WLS: variants seen among roughly 807,000 people sequenced by gnomAD.
WLS encodes Wnt ligand secretion mediator.
A neutral mutation model predicts 62.8 loss-of-function variants in WLS; 23 were observed. The ratio of observed to expected loss-of-function variants is 0.37; its 90% CI spans 0.26 to 0.52. The LOEUF is 0.52. Among genes scored for constraint, WLS ranks in the 20% least tolerant of loss-of-function variants. The pLI is 0.92. For synonymous variants in WLS, 246 were observed against 244.1 expected (o/e 1.01, Z -0.07); for missense variants, 615 against 697.3 (o/e 0.88, Z 1.33).
intron 11 of WLS, among the ~76,000 whole-genome samples, chr1:68,110,954 G>A (rs180759661): frequency 1.2e-3 from 183 of 152,076 alleles, no homozygotes; most frequent in Admixed American, 2.8e-3. Flanking sequence ...AAGAAATTTA[G>A]AATATTTTTA....
At chr1:68,195,570 T>A (rs1429767236) in intron 1 of WLS, among the ~76,000 whole-genome samples, 1 of 152,206 alleles carries the variant, frequency 6.6e-6, no homozygotes, top group African/African-American at 2.4e-5. Context: ...CTTCATCAGT[T>A]TGTAAAGGCT....
chr1:68,113,737 TC>T (rs1297617591), intron 11 of WLS, among the ~76,000 whole-genome samples: 1 of 152,134 alleles, frequency 6.6e-6, no homozygotes, highest in Non-Finnish European at 1.5e-5. Flanking sequence ...CCCAAGCCCT[TC>T]TGAGTAAGAA....
chr1:68,169,280 C>T (rs1647110505), intron 2 of WLS, among the ~76,000 whole-genome samples: 6 of 152,218 alleles, frequency 3.9e-5, no homozygotes, highest in Admixed American at 2.6e-4. Flanking sequence ...TAGAAAACAT[C>T]CACTTACCCC....
At chr1:68,140,725 C>T (rs978903711) in intron 10 of WLS, among the ~76,000 whole-genome samples, 1 of 152,176 alleles carries the variant, frequency 6.6e-6, no homozygotes, top group African/African-American at 2.4e-5. Flanking sequence ...AAGAGTTGAA[C>T]TGCAGAAATA....
At chr1:68,201,929 G>A (rs1019676702) in intron 1 of WLS, 2 of 152,146 alleles carry the variant, frequency 1.3e-5, no homozygotes, top group African/African-American at 2.4e-5. Flanking sequence ...AATACATTCC[G>A]ACTCAAAAAT....
At chr1:68,163,912 A>T (rs910890315) in intron 2 of WLS, among the ~76,000 whole-genome samples, 2 of 152,208 alleles carry the variant, frequency 1.3e-5, no homozygotes, top group Non-Finnish European at 2.9e-5. Flanking sequence ...AGGGAAACAG[A>T]TAGGAATAAC....
At chr1:68,217,783 C>T (rs1649789158) in intron 1 of WLS, among the ~76,000 whole-genome samples, 1 of 152,154 alleles carries the variant, frequency 6.6e-6, no homozygotes, top group Non-Finnish European at 1.5e-5. Context: ...TTATCTTTGA[C>T]AAGGTGGTCA....
chr1:68,229,673 A>G (rs1397488334), intron 1 of WLS, among the ~76,000 whole-genome samples: 4 of 151,862 alleles, frequency 2.6e-5, no homozygotes, highest in Non-Finnish European at 4.4e-5. Flanking sequence ...GTTGATATTT[A>G]TTTCCCATAT....
At chr1:68,181,594 C>T (rs1013684947) in intron 2 of WLS, among the ~76,000 whole-genome samples, 6 of 152,024 alleles carry the variant, frequency 3.9e-5, no homozygotes, top group South Asian at 2.1e-4. Context: ...TCTTAGAGTC[C>T]GCTGTTTGGT....
chr1:68,200,537 G>C (rs1648952660), intron 1 of WLS, among the ~76,000 whole-genome samples: 1 of 148,958 alleles, frequency 6.7e-6, no homozygotes, highest in African/African-American at 2.5e-5. Flanking sequence ...ATCTTCAAAA[G>C]TTTGGGGAGC....
At chr1:68,216,785 G>A (rs569430579) in intron 1 of WLS, among the ~76,000 whole-genome samples, 12 of 152,286 alleles carry the variant, frequency 7.9e-5, no homozygotes, top group East Asian at 5.8e-4. Context: ...AATTCAAGCC[G>A]CAACAATGAC....
intron 11 of WLS, chr1:68,100,642 CAA>C (rs1172953381): frequency 3.3e-5 from 5 of 152,124 alleles, no homozygotes; most frequent in African/African-American, 4.8e-5. Context: ...AGACTGCACA[CAA>C]AGTTACTTGA....
rs774783017 is a variant in WLS at position 68,153,540 on chromosome 1, G to A, written c.780C>T (p.Ser260=). The part of the protein sequence containing the change: ...VWYWRRITMM[S]RPPVLLEKVI... ...ACTTTTCCAGAAGCACTGGGGGTCG[G>A]GACATCATGGTGATCCTCCTCCAAT... is the stretch of plus-strand genomic sequence containing the variant. The change falls in exon 5 of 12, where the codon TCC becomes TCT. Residue 260 remains serine (S), a synonymous_variant. Coordinates refer to ENST00000262348, the MANE Select transcript of WLS (RefSeq NM_024911.7). 2 of 1,614,086 alleles carry A rather than the reference G, an allele frequency of 1.2e-6. No individual in the cohort carries two copies. The highest frequency in any genetic ancestry group is 1.7e-6 in the Non-Finnish European group (2 of 1,180,024).
chr1:68,218,597 A>G (rs1571030349), intron 1 of WLS, among the ~76,000 whole-genome samples: 1 of 152,206 alleles, frequency 6.6e-6, no homozygotes, highest in South Asian at 2.1e-4. Context: ...AGGCCTTGTC[A>G]TACTTGCTTC....
chr1:68,115,624 A>G (rs1019972854), intron 11 of WLS, among the ~76,000 whole-genome samples: 5 of 152,172 alleles, frequency 3.3e-5, no homozygotes, highest in African/African-American at 9.7e-5. Context: ...GTGCCAGCAC[A>G]TTATCAGTGC....
chr1:68,192,429 T>C (rs1648362434), intron 2 of WLS, among the ~76,000 whole-genome samples: 1 of 151,634 alleles, frequency 6.6e-6, no homozygotes, highest in South Asian at 2.1e-4. Flanking sequence ...CATAAAATTT[T>C]AAAATTTAAG....
At position 68,144,651 on chromosome 1, in the gene WLS, C is replaced by G; in HGVS notation, c.1280G>C (p.Gly427Ala). ...MSKVRRLHYEGLIFRFKFLML... is the reference protein window; with the variant it reads ...MSKVRRLHYEALIFRFKFLML... The stretch of plus-strand genomic sequence containing the variant: ...GAGGAACTTGAACCTAAAAATTAGC[C>G]CCTATTAGAAAAGAAAGAGTAGTTT... The change falls in exon 10 of 12, where the codon GGG becomes GCG. Residue 427 changes from glycine (G) to alanine (A), a missense_variant and splice_region_variant. Gly to Ala is a moderately conservative substitution (Grantham distance 60). Coordinates refer to ENST00000262348, the MANE Select transcript of WLS (RefSeq NM_024911.7). 1.2e-6 allele frequency: 2 copies of G among 1,612,952 alleles called. No individual in the cohort carries two copies. Among genetic ancestry groups the G allele is most frequent in the Non-Finnish European group, 1.7e-6 (2 of 1,179,218 alleles).
chr1:68,210,563 A>G (rs1490350987), intron 1 of WLS, among the ~76,000 whole-genome samples: 1 of 152,056 alleles, frequency 6.6e-6, no homozygotes, highest in African/African-American at 2.4e-5. Flanking sequence ...GCTAAAATAG[A>G]AAGATCCTAA....
intron 2 of WLS, among the ~76,000 whole-genome samples, chr1:68,159,815 C>A (rs1223799735): frequency 6.6e-6 from 1 of 152,186 alleles, no homozygotes; most frequent in South Asian, 2.1e-4. Flanking sequence ...TTCCAAAAGT[C>A]AAAATCCCTT....
Sources: allele counts gnomAD v4.1 joint callset (sites outside exome capture counted in the v4.1 genomes callset), GRCh38; gene constraint gnomAD v4.1.1; transcripts MANE v1.5; gene names NCBI Gene and HGNC (gene_info 2026-07-23, HGNC 2026-07-21).